Variants in PIP4P2 observed in about 807,000 individuals in gnomAD.
The protein encoded by PIP4P2 is phosphatidylinositol-4,5-bisphosphate 4-phosphatase 2, also known as type 2 phosphatidylinositol 4,5-bisphosphate 4-phosphatase.
PIP4P2 carries 19 observed loss-of-function variants against 33.3 expected under a neutral mutation model. That is an observed-to-expected ratio of 0.57 (90% CI 0.40 to 0.84). PIP4P2 has a LOEUF of 0.84. Ranked by LOEUF, PIP4P2 falls within the 40% of genes least tolerant of loss-of-function variation. The pLI, the probability that PIP4P2 is intolerant of heterozygous loss-of-function variation, is 0.00. For synonymous variants in PIP4P2, 110 were observed against 111.9 expected (o/e 0.98, Z 0.11); for missense variants, 270 against 324.7 (o/e 0.83, Z 1.29).
At chr8:91,035,033 T>G (rs749148357) in intron 1 of PIP4P2, among the ~76,000 whole-genome samples, 1 of 152,186 alleles carries the variant, frequency 6.6e-6, no homozygotes, top group Non-Finnish European at 1.5e-5. Flanking sequence ...CTGTAGGATT[T>G]CTAAGAAAGC....
intron 5 of PIP4P2, among the ~76,000 whole-genome samples, chr8:91,004,793 T>C (rs1231504474): frequency 6.6e-6 from 1 of 152,094 alleles, no homozygotes; most frequent in Non-Finnish European, 1.5e-5. Flanking sequence ...AATTCACAGA[T>C]AGCCTCAATT....
intron 5 of PIP4P2, among the ~76,000 whole-genome samples, chr8:91,004,778 G>A (rs1352004779): frequency 6.6e-6 from 1 of 152,124 alleles, no homozygotes; most frequent in Non-Finnish European, 1.5e-5. Context: ...ATACAAAAAT[G>A]AGAGAATTCA....
rs753623828 is a variant in PIP4P2, at chr8:91,021,210, T to C, written c.255+46A>G. The C allele has an allele frequency of 3.1e-6, 5 of 1,603,780 alleles. No homozygotes were observed. The African/African-American group carries it at 6.7e-5, about 21-fold the overall frequency. ...TGAAGTACTTCCTTTAGGAATAAAA[T>C]GTCAAATAACAATTTATATTTTTTC... On this transcript the variant is annotated intron_variant, in intron 2 of 6. Transcript: ENST00000285419.
At chr8:91,025,014 C>T (rs183982580) in intron 1 of PIP4P2, among the ~76,000 whole-genome samples, 3 of 152,182 alleles carry the variant, frequency 2.0e-5, no homozygotes, top group East Asian at 3.9e-4. Flanking sequence ...TTCTGGAGAT[C>T]GCTCCACAAT....
At chr8:91,019,989 A>G (rs1482006209) in intron 3 of PIP4P2, among the ~76,000 whole-genome samples, 168 bp downstream of exon 3, 1 of 152,226 alleles carries the variant, frequency 6.6e-6, no homozygotes, top group South Asian at 2.1e-4. Context: ...TCTATGACTA[A>G]GTTCAAACTA....
chr8:91,015,577 T>C (rs1470298924), intron 4 of PIP4P2, among the ~76,000 whole-genome samples: 1 of 152,226 alleles, frequency 6.6e-6, no homozygotes, highest in Admixed American at 6.5e-5. Context: ...GCTTGTTCTT[T>C]GGTGCCATAA....
chr8:91,017,045 A>G (rs555708532), intron 4 of PIP4P2, among the ~76,000 whole-genome samples: 4 of 152,358 alleles, frequency 2.6e-5, no homozygotes, highest in East Asian at 1.9e-4. Context: ...ATTAAACAAA[A>G]TGTTGCAATT....
intron 1 of PIP4P2, among the ~76,000 whole-genome samples, chr8:91,038,915 A>G (rs1812269170): frequency 6.6e-6 from 1 of 152,172 alleles, no homozygotes; most frequent in African/African-American, 2.4e-5. Context: ...TTCTACAATG[A>G]CACTACTTTT....
Position 91,040,667 on chromosome 8 carries a change from T to A in PIP4P2, c.83A>T (p.Tyr28Phe), listed in dbSNP as rs1255666498. 6.2e-7 allele frequency: 1 copy of A among 1,613,666 alleles called. No homozygotes were observed. The highest frequency in any genetic ancestry group is 8.5e-7 in the Non-Finnish European group (1 of 1,180,026). ...ACCTCTGGGGCTGCTTTCTTGCAAG[T>A]ACGGTGGGGCGGTGGGAGTGACATT... ...SGNVTPTAPP[Y>F]LQESSPRAEL... is the part of the protein sequence containing the mutation. The change falls in exon 1 of 7, where the codon TAC (tyrosine) becomes TTC (phenylalanine). Residue 28 changes from tyrosine (Y) to phenylalanine (F), a missense_variant. Transcript: ENST00000285419.
chr8:90,995,868 A>G (rs776265323), intron 6 of PIP4P2, 48 bp from the exon 7 acceptor site: 5 of 1,540,578 alleles, frequency 3.2e-6, no homozygotes, highest in Non-Finnish European at 3.5e-6. Context: ...ACTTTAAAAA[A>G]TATCTGCTTA....
chr8:91,002,949 C>A (rs1178828698), intron 5 of PIP4P2, among the ~76,000 whole-genome samples: 1 of 151,860 alleles, frequency 6.6e-6, no homozygotes, highest in African/African-American at 2.4e-5. Flanking sequence ...CAAAGATATC[C>A]CTAGAAAAGT....
At chr8:91,006,540 C>T (rs1399276226) in intron 5 of PIP4P2, among the ~76,000 whole-genome samples, 2 of 152,204 alleles carry the variant, frequency 1.3e-5, no homozygotes, top group Admixed American at 1.3e-4. Flanking sequence ...TCCTTAACCT[C>T]TCTTAACAGT....
chr8:91,027,859 ACTAC>A (rs916637692), intron 1 of PIP4P2, among the ~76,000 whole-genome samples: 1 of 152,182 alleles, frequency 6.6e-6, no homozygotes, highest in African/African-American at 2.4e-5. Context: ...TTCATACCTC[ACTAC>A]CTCCCCTGGG....
intron 1 of PIP4P2, among the ~76,000 whole-genome samples, chr8:91,021,974 C>T (rs1438802654): frequency 1.3e-5 from 2 of 151,924 alleles, no homozygotes. Context: ...CAGCATGGAA[C>T]AAAAATGGGA....
At chr8:91,035,432 AT>A (rs749276337) in intron 1 of PIP4P2, among the ~76,000 whole-genome samples, 1 of 152,192 alleles carries the variant, frequency 6.6e-6, no homozygotes, top group Non-Finnish European at 1.5e-5. Flanking sequence ...TTCAAAAGAC[AT>A]TTTTGGTCCT....
In PIP4P2 at chr8:91,022,906, T is replaced by G. The variant is rs938322342; in HGVS notation, c.107-1502A>C. ...TATGCTTATGTTTCTGGGAGGCTTA[T>G]AACAGAACACTGCCAAACACTGAAA... On this transcript the variant is annotated intron_variant, in intron 1 of 6. Transcript: ENST00000285419. Among the ~76,000 whole-genome samples, 3 of 152,170 alleles carry G rather than the reference T, an allele frequency of 2.0e-5. No homozygotes were observed. The East Asian group carries it at 5.8e-4, about 29-fold the overall frequency.
intron 5 of PIP4P2, among the ~76,000 whole-genome samples, chr8:91,002,544 A>C (rs1232441265): frequency 6.6e-6 from 1 of 152,202 alleles, no homozygotes; most frequent in Non-Finnish European, 1.5e-5. Flanking sequence ...ATTTTCAGAC[A>C]AGGCAGCCAG....
intron 4 of PIP4P2, 144 bp from the exon 5 acceptor site, chr8:91,008,939 A>C (rs918485024): frequency 1.8e-6 from 1 of 561,566 alleles, no homozygotes; most frequent in Non-Finnish European, 3.0e-6. Flanking sequence ...TTTTCCCTCC[A>C]ATACTTCTCT....
At chr8:91,003,175 T>G (rs1586174850) in intron 5 of PIP4P2, among the ~76,000 whole-genome samples, 3 of 152,180 alleles carry the variant, frequency 2.0e-5, no homozygotes, top group Non-Finnish European at 4.4e-5. Context: ...GCTAAGAAAT[T>G]GGGAGCCACT....
Sources: allele counts gnomAD v4.1 joint callset (sites outside exome capture counted in the v4.1 genomes callset), GRCh38; gene constraint gnomAD v4.1.1; transcripts MANE v1.5; gene names NCBI Gene and HGNC (gene_info 2026-07-23, HGNC 2026-07-21).